The following LOC400499 variants were observed in gnomAD, a reference collection of about 807,000 sequenced individuals.
At chr16:11,422,440 C>G in the LOC400499 span, among the ~76,000 whole-genome samples, 3 of 151,162 alleles carry the variant, frequency 2.0e-5, no homozygotes, top group East Asian at 5.8e-4. Context: ...CAGAACGGAA[C>G]GGAAAGGAAA....
the LOC400499 span, among the ~76,000 whole-genome samples, chr16:11,444,702 T>C: frequency 6.6e-6 from 1 of 152,198 alleles, no homozygotes; most frequent in Non-Finnish European, 1.5e-5. Flanking sequence ...GCACCTACTG[T>C]GTACCAAGCC....
the LOC400499 span, chr16:11,485,124 G>A: frequency 1.3e-5 from 5 of 398,756 alleles, no homozygotes; most frequent in Non-Finnish European, 2.2e-5. Flanking sequence ...TCACAGGGGT[G>A]ATGATGAGCT....
chr16:11,423,361 C>T, the LOC400499 span: 1 of 398,252 alleles, frequency 2.5e-6, no homozygotes, highest in Non-Finnish European at 4.4e-6. Context: ...TTTGGGGAAG[C>T]CACCATGGGC....
chr16:11,513,812 G>C, the LOC400499 span, among the ~76,000 whole-genome samples: 1 of 152,082 alleles, frequency 6.6e-6, no homozygotes, highest in African/African-American at 2.4e-5. Context: ...TACACATAAA[G>C]TGCTCAGCAC....
chr16:11,504,999 C>G, the LOC400499 span, among the ~76,000 whole-genome samples: 3 of 152,254 alleles, frequency 2.0e-5, no homozygotes, highest in East Asian at 5.8e-4. Flanking sequence ...AGCAACTGGT[C>G]TAAGCTGACA....
At chr16:11,452,208 T>TG in the LOC400499 span, among the ~76,000 whole-genome samples, 1 of 149,988 alleles carries the variant, frequency 6.7e-6, no homozygotes, top group African/African-American at 2.4e-5. Context: ...TTTGTTTGTT[T>TG]TTTTTTTTTT....
the LOC400499 span, among the ~76,000 whole-genome samples, chr16:11,513,524 G>A: frequency 6.8e-3 from 1,035 of 152,062 alleles, 10 homozygotes; most frequent in African/African-American, 0.023. Flanking sequence ...TCCGCCTCCC[G>A]GGTTCAAACG....
the LOC400499 span, among the ~76,000 whole-genome samples, chr16:11,492,213 T>C: frequency 3.9e-5 from 6 of 152,062 alleles, no homozygotes; most frequent in African/African-American, 7.2e-5. Flanking sequence ...CCTCCCCACA[T>C]TGTGACTCCC....
the LOC400499 span, among the ~76,000 whole-genome samples, chr16:11,510,525 G>A: frequency 6.6e-6 from 1 of 151,688 alleles, no homozygotes; most frequent in African/African-American, 2.4e-5. Context: ...CTGTCATGCA[G>A]CTGTTTAATT....
At chr16:11,417,299 T>C in the LOC400499 span, among the ~76,000 whole-genome samples, 1 of 152,072 alleles carries the variant, frequency 6.6e-6, no homozygotes, top group Non-Finnish European at 1.5e-5. Flanking sequence ...CAATCATAGC[T>C]CATTGCAACC....
the LOC400499 span, among the ~76,000 whole-genome samples, chr16:11,497,025 T>A: frequency 1.3e-5 from 2 of 152,152 alleles, no homozygotes; most frequent in Non-Finnish European, 2.9e-5. Context: ...TGCAACAGTG[T>A]GTGTAGGTCT....
chr16:11,414,241 G>T, the LOC400499 span: 2 of 398,766 alleles, frequency 5.0e-6, no homozygotes, highest in Non-Finnish European at 8.8e-6. Context: ...CCAAGGCCTG[G>T]TCCTCCCCAC....
chr16:11,411,634 G>C, the LOC400499 span, among the ~76,000 whole-genome samples: 2 of 152,144 alleles, frequency 1.3e-5, no homozygotes, highest in African/African-American at 4.8e-5. Context: ...CTGAGCCTCA[G>C]TTTCCCCATT....
chr16:11,490,343 C>T, the LOC400499 span, among the ~76,000 whole-genome samples: 1 of 149,922 alleles, frequency 6.7e-6, no homozygotes, highest in African/African-American at 2.5e-5. Context: ...TTGCAGTGAG[C>T]CACAACTGTG....
At chr16:11,404,562 G>A in the LOC400499 span, 1 of 392,502 alleles carries the variant, frequency 2.5e-6, no homozygotes, top group East Asian at 3.6e-5. Flanking sequence ...GGCCAGGCTG[G>A]TCTCAAACTC....
the LOC400499 span, among the ~76,000 whole-genome samples, chr16:11,521,218 C>A: frequency 1.3e-3 from 197 of 152,218 alleles, 1 homozygote; most frequent in Non-Finnish European, 2.3e-3. Flanking sequence ...AGCAAGTGCT[C>A]CAGCCAGTAC....
the LOC400499 span, among the ~76,000 whole-genome samples, chr16:11,524,309 T>C: frequency 7.1e-4 from 102 of 142,708 alleles, 2 homozygotes; most frequent in African/African-American, 2.5e-3. Flanking sequence ...CCCGCTGTTA[T>C]CCATGCATCC....
the LOC400499 span, among the ~76,000 whole-genome samples, chr16:11,433,530 C>A: frequency 6.6e-6 from 1 of 152,160 alleles, no homozygotes; most frequent in African/African-American, 2.4e-5. Flanking sequence ...TGACACAGAG[C>A]TCCTAATCCC....
At chr16:11,390,587 G>A in the LOC400499 span, 1 of 767,376 alleles carries the variant, frequency 1.3e-6, no homozygotes, top group Non-Finnish European at 1.8e-6. Context: ...GGGGAGCTGG[G>A]GGAACTGGAA....
Sources: gnomAD v4.1 joint callset for allele counts (sites outside exome capture counted in the v4.1 genomes callset) on GRCh38, gnomAD v4.1.1 for gene constraint, MANE v1.5 for transcripts.